Variants in SLC26A7 observed in about 807,000 individuals in gnomAD.
The protein encoded by SLC26A7 is solute carrier family 26 member 7.
SLC26A7 carries 59 observed loss-of-function variants against 82.5 expected under a neutral mutation model. That is an observed-to-expected ratio of 0.72 (90% CI 0.58 to 0.89). SLC26A7 has a LOEUF of 0.89. Ranked by LOEUF, SLC26A7 falls within the 40% of genes least tolerant of loss-of-function variation. The pLI is 0.00. For synonymous variants in SLC26A7, 271 were observed against 274.3 expected, an observed-to-expected ratio of 0.99 and a Z score of 0.12; for missense variants, 820 against 793.0, an observed-to-expected ratio of 1.03 and a Z score of -0.41.
rs143805282 is a variant in SLC26A7 at position 91,255,581 on chromosome 8, A to G, written c.193+5737A>G. Among the ~76,000 whole-genome samples the G allele has an allele frequency of 4.4e-3, 674 of 152,222 alleles. 5 individuals carry two copies. The highest frequency in any genetic ancestry group is 0.016 in the African/African-American group (656 of 41,544). On this transcript the variant is annotated intron_variant, in intron 2 of 18. Coordinates refer to ENST00000276609, the MANE Select transcript of SLC26A7 (RefSeq NM_052832.4). ...CATCCAAATATTCCTAAATGAGTCT[A>G]AAGTATATTTTCCTTACCCCATGAA...
rs898364172 is a variant in SLC26A7 at position 91,396,197 on chromosome 8, A to G, written c.*1100A>G. The G allele has an allele frequency of 2.0e-5, 3 of 152,046 alleles. No homozygotes were observed. The highest frequency in any genetic ancestry group is 7.2e-5 in the African/African-American group (3 of 41,444). 9.4% of individuals were successfully genotyped at this position (152,046 alleles called of 1,614,324 possible). ...TTTTCATGCTTATACATATATTTTC[A>G]ATCACATACAAGTACATAGAATTTC... is the stretch of plus-strand genomic sequence containing the variant. On this transcript the variant is annotated 3_prime_UTR_variant, in exon 19 of 19. Coordinates refer to ENST00000276609, the MANE Select transcript of SLC26A7 (RefSeq NM_052832.4).
At chr8:91,238,432 A>G (rs1810421189) in intron 2 of SLC26A7, among the ~76,000 whole-genome samples, 1 of 151,926 alleles carries the variant, frequency 6.6e-6, no homozygotes, top group African/African-American at 2.4e-5. Context: ...CATCAGGTTC[A>G]GAAATTGCTT....
At chr8:91,220,342 C>T (rs1025698356) in intron 2 of SLC26A7, among the ~76,000 whole-genome samples, 4 of 151,936 alleles carry the variant, frequency 2.6e-5, no homozygotes. Context: ...TTTCTTATAA[C>T]CTAAGCTGTT....
chr8:91,295,840 A>G, intron 4 of SLC26A7, 137 bp downstream of exon 4: 4 of 762,450 alleles, frequency 5.2e-6, no homozygotes, highest in Non-Finnish European at 6.0e-6. Context: ...ATCATTATGG[A>G]AATGCTGTTT....
intron 2 of SLC26A7, among the ~76,000 whole-genome samples, chr8:91,234,836 C>T (rs1201999607): frequency 6.8e-6 from 1 of 146,400 alleles, no homozygotes; most frequent in Non-Finnish European, 1.5e-5. Context: ...TACTTCCTTC[C>T]TTCCTTCCTT....
intron 2 of SLC26A7, among the ~76,000 whole-genome samples, chr8:91,273,386 G>T (rs960760611): frequency 6.6e-6 from 1 of 152,068 alleles, no homozygotes. Flanking sequence ...GAGAAATTAG[G>T]ATGGAAGTAA....
chr8:91,350,836 T>C (rs192321077), intron 9 of SLC26A7, among the ~76,000 whole-genome samples: 1 of 152,270 alleles, frequency 6.6e-6, no homozygotes, highest in East Asian at 1.9e-4. Context: ...CAGTCCTGAG[T>C]CATAAGGTAA....
intron 8 of SLC26A7, among the ~76,000 whole-genome samples, chr8:91,342,859 A>G (rs1427489950): frequency 2.6e-5 from 4 of 152,238 alleles, no homozygotes; most frequent in Non-Finnish European, 5.9e-5. Context: ...ATGGGAAAGA[A>G]CCACAAAAGG....
intron 2 of SLC26A7, among the ~76,000 whole-genome samples, chr8:91,287,954 C>T (rs141046518): frequency 6.6e-6 from 1 of 152,264 alleles, no homozygotes; most frequent in East Asian, 1.9e-4. Context: ...TTTCACCAGA[C>T]TGTAGGGATA....
chr8:91,289,852 C>T (rs953514529), intron 3 of SLC26A7, among the ~76,000 whole-genome samples: 3 of 152,098 alleles, frequency 2.0e-5, no homozygotes, highest in Admixed American at 2.0e-4. Flanking sequence ...GTAACTCTTA[C>T]CTTACCTACC....
chr8:91,352,587 A>G (rs1813747066), intron 10 of SLC26A7, among the ~76,000 whole-genome samples: 1 of 152,110 alleles, frequency 6.6e-6, no homozygotes, highest in Non-Finnish European at 1.5e-5. Context: ...CAAACAAATG[A>G]CCGTGAATAC....
At chr8:91,220,603 T>C (rs1241911162) in intron 2 of SLC26A7, among the ~76,000 whole-genome samples, 2 of 152,152 alleles carry the variant, frequency 1.3e-5, no homozygotes, top group Non-Finnish European at 1.5e-5. Context: ...CATGTGGTGT[T>C]TGGTTTTCTG....
intron 5 of SLC26A7, among the ~76,000 whole-genome samples, chr8:91,325,766 T>A (rs1043503534): frequency 1.3e-5 from 2 of 152,090 alleles, no homozygotes; most frequent in Non-Finnish European, 2.9e-5. Context: ...TTGGAAAAAT[T>A]CTTTGCTGGA....
intron 15 of SLC26A7, among the ~76,000 whole-genome samples, chr8:91,388,200 G>A (rs1221558563): frequency 1.3e-5 from 2 of 151,932 alleles, no homozygotes; most frequent in Non-Finnish European, 2.9e-5. Context: ...GCACGATCTC[G>A]ACTCACTGCA....
intron 2 of SLC26A7, among the ~76,000 whole-genome samples, chr8:91,254,110 A>G (rs1006578968): frequency 2.0e-5 from 3 of 152,206 alleles, no homozygotes; most frequent in African/African-American, 7.2e-5. Context: ...CTGGTAAAAG[A>G]TATGTTTTCT....
intron 13 of SLC26A7, among the ~76,000 whole-genome samples, chr8:91,365,908 A>G (rs1814179116): frequency 6.6e-6 from 1 of 152,170 alleles, no homozygotes; most frequent in Non-Finnish European, 1.5e-5. Flanking sequence ...ACTTGCCCCA[A>G]AGGTCATAGA....
intron 2 of SLC26A7, among the ~76,000 whole-genome samples, chr8:91,224,970 A>T (rs1234576777): frequency 6.6e-6 from 1 of 152,200 alleles, no homozygotes; most frequent in Non-Finnish European, 1.5e-5. Flanking sequence ...CCACCGACTG[A>T]CACAGCCAAT....
At chr8:91,354,381 C>G (rs1380202662) in intron 11 of SLC26A7, among the ~76,000 whole-genome samples, 1 of 151,914 alleles carries the variant, frequency 6.6e-6, no homozygotes, top group Non-Finnish European at 1.5e-5. Context: ...ACATGTCTGT[C>G]TCTGAAAAAA....
intron 16 of SLC26A7, among the ~76,000 whole-genome samples, chr8:91,392,396 C>A (rs1402413207): frequency 6.6e-6 from 1 of 152,062 alleles, no homozygotes; most frequent in African/African-American, 2.4e-5. Flanking sequence ...ATACCCACTT[C>A]ATCAAGTTGT....
Sources: allele counts gnomAD v4.1 joint callset (sites outside exome capture counted in the v4.1 genomes callset), GRCh38; gene constraint gnomAD v4.1.1; transcripts MANE v1.5; gene names NCBI Gene and HGNC (gene_info 2026-07-23, HGNC 2026-07-21).